CCDC93: variants seen among roughly 807,000 people sequenced by gnomAD.
CCDC93 encodes CCC complex scaffolding subunit CCDC93.
A neutral mutation model predicts 108.2 loss-of-function variants in CCDC93; 61 were observed. That is an observed-to-expected ratio of 0.56 (90% CI 0.46 to 0.70). CCDC93 has a LOEUF of 0.70. CCDC93 is among the 30% of genes least tolerant of loss of function. CCDC93 has a pLI of 0.00. For missense variants in CCDC93, 685 were observed against 764.2 expected (o/e 0.90, Z 1.22); for synonymous variants, 276 against 260.4 (o/e 1.06, Z -0.58).
chr2:117,975,071 G>C (rs908775791), intron 9 of CCDC93, 117 bp downstream of exon 9: 2 of 1,045,774 alleles, frequency 1.9e-6, no homozygotes, highest in Middle Eastern at 2.1e-4. Context: ...TGAAAGACCT[G>C]CTCACAGCAG....
At chr2:118,003,288 C>CT (rs1676764222) in intron 3 of CCDC93, among the ~76,000 whole-genome samples, 1 of 152,136 alleles carries the variant, frequency 6.6e-6, no homozygotes, top group South Asian at 2.1e-4. Context: ...CTCTGTTAAG[C>CT]TTTTTTTAAA....
intron 11 of CCDC93, among the ~76,000 whole-genome samples, chr2:117,971,234 G>A (rs1434894146): frequency 6.6e-6 from 1 of 151,908 alleles, no homozygotes; most frequent in African/African-American, 2.4e-5. Context: ...ATGGTGGTAT[G>A]CGCCTGCAGT....
intron 11 of CCDC93, among the ~76,000 whole-genome samples, chr2:117,962,985 C>CA (rs1485617906): frequency 6.6e-6 from 1 of 152,090 alleles, no homozygotes; most frequent in Non-Finnish European, 1.5e-5. Context: ...TACTTTGGGG[C>CA]AAAAAACCCA....
At chr2:117,945,215 G>A (rs979378848) in intron 17 of CCDC93, among the ~76,000 whole-genome samples, 3 of 152,190 alleles carry the variant, frequency 2.0e-5, no homozygotes, top group African/African-American at 4.8e-5. Flanking sequence ...CTCAGAGCCC[G>A]AGTGGTGACC....
At chr2:117,990,296 C>T (rs1680438292) in intron 6 of CCDC93, among the ~76,000 whole-genome samples, 1 of 152,118 alleles carries the variant, frequency 6.6e-6, no homozygotes, top group South Asian at 2.1e-4. Context: ...TTGAAAATAC[C>T]ACCTCCTGTT....
Position 117,973,970 on chromosome 2 carries a change from C to T in CCDC93, c.826G>A (p.Gly276Ser), listed in dbSNP as rs1325428178. 3 of 1,611,784 alleles carry T rather than the reference C, an allele frequency of 1.9e-6. No homozygotes were observed. Among genetic ancestry groups the T allele is most frequent in the Non-Finnish European group, 2.5e-6 (3 of 1,178,954 alleles). Residue 276 changes from glycine to serine, a missense_variant, in exon 11 of 24, where the codon GGC becomes AGC. By Grantham distance (56) the Gly-to-Ser change is moderately conservative (BLOSUM62 0). Transcript: ENST00000376300. ...GCAGAGCAGAGTCCCACAATCTGGC[C>T]CACGGAGCTTGCGGTGAGACGGCTC... ...EESRLTASSV[G>S]QIVGLCSAEI...
chr2:117,954,634 C>G (rs915740311), intron 12 of CCDC93, among the ~76,000 whole-genome samples: 1 of 152,170 alleles, frequency 6.6e-6, no homozygotes, highest in Non-Finnish European at 1.5e-5. Context: ...TCTTTCATCA[C>G]TCTCAGGTTT....
At chr2:117,948,588 T>G (rs1429032215) in intron 14 of CCDC93, among the ~76,000 whole-genome samples, 2 of 152,252 alleles carry the variant, frequency 1.3e-5, no homozygotes, top group African/African-American at 4.8e-5. Flanking sequence ...AAGCACTAAT[T>G]TGACAATAAA....
Position 118,000,880 on chromosome 2 carries a change from G to C in CCDC93, c.304C>G (p.Gln102Glu). 6.2e-7 allele frequency: 1 copy of C among 1,613,786 alleles called. No homozygotes were observed. The highest frequency in any genetic ancestry group is 8.5e-7 in the Non-Finnish European group (1 of 1,179,778). The change falls in exon 4 of 24, where the codon CAG becomes GAG. Residue 102 changes from glutamine to glutamate, a missense_variant. Gln to Glu is a conservative substitution (Grantham distance 29, BLOSUM62 2). Coordinates refer to ENST00000376300, the MANE Select transcript of CCDC93 (RefSeq NM_019044.5). Reference protein sequence around the residue: ...SVLPRMKCPHQLEPHQIQGMD... With the variant: ...SVLPRMKCPHELEPHQIQGMD... Reference sequence around the variant, plus strand: ...CCCTGGATCTGGTGGGGCTCCAGCTGGTGTGGGCATTTCATCCTTGGCAGG... The same window carrying C: ...CCCTGGATCTGGTGGGGCTCCAGCTCGTGTGGGCATTTCATCCTTGGCAGG...
intron 6 of CCDC93, 142 bp downstream of exon 6, chr2:117,995,304 C>T: frequency 1.4e-6 from 1 of 711,364 alleles, no homozygotes; most frequent in Non-Finnish European, 2.5e-6. Context: ...GCAGGCGGGG[C>T]TTCCCTCACA....
Position 117,974,000 on chromosome 2 carries a change from A to T in CCDC93, c.802-6T>A, listed in dbSNP as rs764320642. 6.3e-7 allele frequency: 1 copy of T among 1,589,806 alleles called. No homozygotes were observed. The highest frequency in any genetic ancestry group is 2.3e-5 in the East Asian group (1 of 44,440). ...GAGCTTGCGGTGAGACGGCTCTGCA[A>T]GTATATGGAGGGAATGTTCTCAAGG... On this transcript the variant is annotated splice_region_variant and splice_polypyrimidine_tract_variant and intron_variant, in intron 10 of 23. Transcript: ENST00000376300.
intron 5 of CCDC93, chr2:117,995,889 T>C (rs566472818): frequency 1.0e-4 from 17 of 164,510 alleles, no homozygotes; most frequent in Non-Finnish European, 1.8e-4. Context: ...ATAAAAGCCA[T>C]AAGATGTGCT....
rs1677754777 is a variant in CCDC93 at position 117,918,341 on chromosome 2, A to G, written c.*2002T>C. The G allele has an allele frequency of 6.6e-6, 1 of 152,176 alleles. No individual in the cohort carries two copies. The highest frequency in any genetic ancestry group is 1.5e-5 in the Non-Finnish European group (1 of 68,032). 9.4% of individuals were successfully genotyped at this position (152,176 alleles called of 1,614,324 possible). On this transcript the variant is annotated 3_prime_UTR_variant, in exon 24 of 24. Transcript: ENST00000376300. ...AAAAAAAAAAAGGGAATAGAGATCT[A>G]TGGACACCTCTCTATACCAAAACCA...
intron 23 of CCDC93, among the ~76,000 whole-genome samples, chr2:117,925,981 A>C (rs1392587571): frequency 2.0e-5 from 3 of 152,320 alleles, no homozygotes; most frequent in South Asian, 4.1e-4. Context: ...AAACCACTCA[A>C]CTACATGGAA....
Position 117,920,097 on chromosome 2 carries a change from C to G in CCDC93, c.*246G>C, listed in dbSNP as rs771397404. ...ACATAAAAGTTGAATCAACAGAGAA[C>G]AAGTACTCCCTATATTCTTCATAGG... is the stretch of plus-strand genomic sequence containing the variant. On this transcript the variant is annotated 3_prime_UTR_variant, in exon 24 of 24. Coordinates refer to ENST00000376300, the MANE Select transcript of CCDC93 (RefSeq NM_019044.5). 13 of 381,928 alleles carry G rather than the reference C, an allele frequency of 3.4e-5. No homozygotes were observed. Among genetic ancestry groups the G allele is most frequent in the Non-Finnish European group, 5.2e-5 (11 of 210,596 alleles). The allele number at this position is 381,928 out of a possible 1,614,324, so 23.7% of individuals were successfully genotyped here.
At chr2:118,006,855 G>C in intron 2 of CCDC93, 39 bp from the exon 3 acceptor site, 1 of 1,313,586 alleles carries the variant, frequency 7.6e-7, no homozygotes, top group Non-Finnish European at 1.1e-6. Flanking sequence ...TCTCTTTTTA[G>C]TTTGGGGAGA....
At chr2:117,926,174 C>G (rs1038546371) in intron 23 of CCDC93, among the ~76,000 whole-genome samples, 2 of 152,016 alleles carry the variant, frequency 1.3e-5, no homozygotes, top group African/African-American at 4.8e-5. Context: ...CAGGAAAGAT[C>G]TAAAATTGAC....
rs1676882069 is a variant in CCDC93, at chr2:118,006,755, AGC to A, written c.216_217del (p.Leu72PhefsTer64). 6.2e-7 allele frequency: 1 copy of A among 1,612,538 alleles called. No individual in the cohort carries two copies. Among genetic ancestry groups the A allele is most frequent in the African/African-American group, 1.3e-5 (1 of 74,912 alleles). ...ACCTATCGTAGAGTTTTCTTGAAAG[AGC>A]AAATCAACATCTACATCAAAGTTGC... On this transcript the variant is annotated frameshift_variant, in exon 3 of 24. Coordinates refer to ENST00000376300, the MANE Select transcript of CCDC93 (RefSeq NM_019044.5). LOFTEE classifies it high-confidence loss of function.
intron 6 of CCDC93, among the ~76,000 whole-genome samples, chr2:117,986,629 T>G (rs1294207433): frequency 1.3e-5 from 2 of 152,206 alleles, no homozygotes; most frequent in African/African-American, 4.8e-5. Flanking sequence ...TAATTGGAAT[T>G]GTTCCCCATG....
Sources: allele counts gnomAD v4.1 joint callset (sites outside exome capture counted in the v4.1 genomes callset), GRCh38; gene constraint gnomAD v4.1.1; transcripts MANE v1.5; gene names NCBI Gene and HGNC (gene_info 2026-07-23, HGNC 2026-07-21).